Variants in RBM20 observed in about 807,000 individuals in gnomAD.
RBM20 encodes RNA-binding protein 20.
In RBM20, 51 loss-of-function variants were observed where a neutral mutation model predicts 110.1. The observed-to-expected ratio is 0.46, with a 90% CI of 0.37 to 0.59. RBM20 has a LOEUF of 0.59. Among genes scored for constraint, RBM20 ranks in the 20% least tolerant of loss-of-function variants. The pLI is 0.00. For missense variants in RBM20, 1,512 were observed against 1,574.9 expected, an observed-to-expected ratio of 0.96 and a Z score of 0.68; for synonymous variants, 589 against 618.2, an observed-to-expected ratio of 0.95 and a Z score of 0.70.
chr10:110,716,923 GAAAA>G (rs34627248), intron 1 of RBM20, among the ~76,000 whole-genome samples: 1 of 144,526 alleles, frequency 6.9e-6, no homozygotes, highest in Non-Finnish European at 1.5e-5. Context: ...AAAAAAAAAA[GAAAA>G]AAAAAAAAGA....
rs969716149 is a variant in RBM20, at chr10:110,821,881, C to A, written c.3262C>A (p.Pro1088Thr). ...EGSPLEEKAS[P>T]PIETDLQNQA... ...CAGCCCCCTGGAGGAGAAAGCCAGC[C>A]CCCCCATCGAAACTGACCTCCAAAA... The change falls in exon 11 of 14, where the codon CCC becomes ACC. Residue 1088 changes from proline to threonine, a missense_variant. By Grantham distance (38) the Pro-to-Thr change is conservative. Around this residue, in one of 3 missense-constraint regions of RBM20, gnomAD observed 358 missense variants for 384.2 expected, o/e 0.93. Transcript: ENST00000369519. The A allele has an allele frequency of 5.8e-6, 9 of 1,551,590 alleles. No individual in the cohort carries two copies. Among genetic ancestry groups the A allele is most frequent in the African/African-American group, 4.1e-5 (3 of 73,030 alleles).
intron 1 of RBM20, among the ~76,000 whole-genome samples, chr10:110,702,516 G>A (rs1017149465): frequency 5.3e-5 from 8 of 152,194 alleles, no homozygotes; most frequent in East Asian, 1.9e-4. Flanking sequence ...AGCCCGGGGC[G>A]ACACAATGAG....
chr10:110,680,792 A>G (rs973770312), intron 1 of RBM20, among the ~76,000 whole-genome samples: 3 of 151,958 alleles, frequency 2.0e-5, no homozygotes, highest in Non-Finnish European at 2.9e-5. Context: ...GGAGGAAGAC[A>G]GGTGCTTCTC....
chr10:110,703,932 C>T (rs1053998637), intron 1 of RBM20, among the ~76,000 whole-genome samples: 20 of 152,044 alleles, frequency 1.3e-4, no homozygotes, highest in African/African-American at 2.9e-4. Context: ...GCCAATATGG[C>T]GAAACACCAT....
At position 110,729,737 on chromosome 10, in the gene RBM20, C is replaced by T. The variant is rs536132838; in HGVS notation, c.192-51064C>T. ...GCCTGAGGGGAACCGCATCCACCTC[C>T]GCCCTAGATGCGATGTTGGAATGCT... On this transcript the variant is annotated intron_variant, in intron 1 of 13. Coordinates refer to ENST00000369519, the MANE Select transcript of RBM20 (RefSeq NM_001134363.3). Among the ~76,000 whole-genome samples, 6 of 152,330 alleles carry T rather than the reference C, an allele frequency of 3.9e-5. No homozygotes were observed. The South Asian group carries it at 1.0e-3, about 26-fold the overall frequency.
At chr10:110,812,093 G>T (rs1005132883) in intron 8 of RBM20, among the ~76,000 whole-genome samples, 185 bp from the exon 9 acceptor site, 17 of 152,218 alleles carry the variant, frequency 1.1e-4, no homozygotes, top group African/African-American at 3.9e-4. Flanking sequence ...TCCTCTGCAC[G>T]GAAGCCAGAA....
intron 12 of RBM20, among the ~76,000 whole-genome samples, chr10:110,828,773 T>C (rs765572229): frequency 6.6e-6 from 1 of 152,242 alleles, no homozygotes; most frequent in Non-Finnish European, 1.5e-5. Context: ...CTCTACATTC[T>C]ATTTTCTCTC....
intron 1 of RBM20, among the ~76,000 whole-genome samples, chr10:110,702,557 T>A (rs1216017677): frequency 6.6e-6 from 1 of 152,202 alleles, no homozygotes; most frequent in Non-Finnish European, 1.5e-5. Flanking sequence ...ATAAATGAAG[T>A]TGAAAGCATG....
intron 1 of RBM20, among the ~76,000 whole-genome samples, chr10:110,733,390 G>A (rs1843638592): frequency 6.6e-6 from 1 of 152,190 alleles, no homozygotes; most frequent in Admixed American, 6.5e-5. Context: ...TATAGAGCCG[G>A]GTGTATGGCT....
chr10:110,781,062 G>C lies in RBM20; in HGVS notation c.453G>C (p.Gly151=). 4 of 1,551,864 alleles carry C rather than the reference G, an allele frequency of 2.6e-6. No individual in the cohort carries two copies. Among genetic ancestry groups the C allele is most frequent in the Non-Finnish European group, 2.6e-6 (3 of 1,147,030 alleles). The stretch of plus-strand genomic sequence containing the variant: ...TCACTGGCCCCCACGGCCATGCTGG[G>C]GTTCCCCAACATGCTGCAGCCATAC... The part of the protein sequence containing the change: ...SVITGPHGHA[G]VPQHAAAIPS... The change falls in exon 2 of 14, where the codon GGG becomes GGC. Residue 151 remains glycine (G), a synonymous_variant. Transcript: ENST00000369519.
At chr10:110,822,464 C>CACTTG (rs1465899443) in intron 11 of RBM20, 3 of 456,820 alleles carry the variant, frequency 6.6e-6, no homozygotes, top group Non-Finnish European at 1.3e-5. Context: ...TCAGGATATT[C>CACTTG]TCTCACTCCA....
chr10:110,784,650 C>A, intron 4 of RBM20, 142 bp from the exon 5 acceptor site: 1 of 711,794 alleles, frequency 1.4e-6, no homozygotes, highest in Non-Finnish European at 2.5e-6. Context: ...TGATTATCAG[C>A]ATGTCCAGAG....
At chr10:110,797,411 C>T (rs1247613806) in intron 5 of RBM20, 97 bp from the exon 6 acceptor site, 3 of 1,199,252 alleles carry the variant, frequency 2.5e-6, no homozygotes, top group African/African-American at 1.5e-5. Flanking sequence ...GTTTTACAAT[C>T]ATTGTTTAGG....
At chr10:110,782,881 T>C (rs981966784) in intron 2 of RBM20, among the ~76,000 whole-genome samples, 2 of 152,240 alleles carry the variant, frequency 1.3e-5, no homozygotes, top group Non-Finnish European at 2.9e-5. Context: ...ACATGCCCTC[T>C]GACCTCTAGT....
Position 110,821,554 on chromosome 10 carries a change from A to T in RBM20, c.2935A>T (p.Lys979Ter). The T allele has an allele frequency of 6.4e-7, 1 of 1,551,416 alleles. No homozygotes were observed. Among genetic ancestry groups the T allele is most frequent in the Non-Finnish European group, 8.7e-7 (1 of 1,146,534 alleles). The change falls in exon 11 of 14, where the codon AAG becomes TAG. Residue 979 changes from lysine to a stop codon, truncating the protein, a stop_gained. Coordinates refer to ENST00000369519, the MANE Select transcript of RBM20 (RefSeq NM_001134363.3). LOFTEE classifies it high-confidence loss of function. ...VGNGAAEISL[K>*]SPRELPSAST... is the part of the protein sequence containing the mutation. ...GAATGGGGCTGCAGAAATCAGCCTC[A>T]AGTCACCCAGAGAACTGCCCTCTGC...
At chr10:110,828,116 C>G (rs1845005407) in intron 12 of RBM20, among the ~76,000 whole-genome samples, 1 of 152,204 alleles carries the variant, frequency 6.6e-6, no homozygotes, top group South Asian at 2.1e-4. Flanking sequence ...GCTCCCTCCT[C>G]TATCCATCCC....
At chr10:110,777,970 T>C (rs1844288999) in intron 1 of RBM20, among the ~76,000 whole-genome samples, 1 of 152,238 alleles carries the variant, frequency 6.6e-6, no homozygotes, top group South Asian at 2.1e-4. Context: ...TTTCTAAAGC[T>C]CAGCTACTTA....
intron 7 of RBM20, among the ~76,000 whole-genome samples, chr10:110,808,001 C>T (rs1844717032): frequency 1.3e-5 from 2 of 152,244 alleles, no homozygotes; most frequent in African/African-American, 4.8e-5. Context: ...CTTTCCCAAG[C>T]TCTGCTGCTC....
chr10:110,836,094 G>A lies in RBM20; in HGVS notation c.*116G>A. ...AAAGCCTGAGAGGAAGGAAAACCAA[G>A]CAGGGCACATTGCTTGGGCTTGTTC... On this transcript the variant is annotated 3_prime_UTR_variant, in exon 14 of 14. Coordinates refer to ENST00000369519, the MANE Select transcript of RBM20 (RefSeq NM_001134363.3). 2 of 569,502 alleles carry A rather than the reference G, an allele frequency of 3.5e-6. No homozygotes were observed. The highest frequency in any genetic ancestry group is 6.3e-6 in the Non-Finnish European group (2 of 318,444). The allele number at this position is 569,502 out of a possible 1,614,324, so 35.3% of individuals were successfully genotyped here. A position where few individuals can be genotyped will look rare whatever the true frequency, so the allele number is the denominator to read the frequency against.
Sources: allele counts gnomAD v4.1 joint callset (sites outside exome capture counted in the v4.1 genomes callset), GRCh38; gene constraint gnomAD v4.1.1; regional missense constraint gnomAD v4.1.1; transcripts MANE v1.5; gene names NCBI Gene and HGNC (gene_info 2026-07-23, HGNC 2026-07-21).